SF3B1: variants seen among roughly 807,000 people sequenced by gnomAD.
SF3B1 encodes splicing factor 3b subunit 1, also known as pre-mRNA processing 10.
A neutral mutation model predicts 153.8 loss-of-function variants in SF3B1; 12 were observed. The observed-to-expected ratio is 0.08, with a 90% CI of 0.05 to 0.13. SF3B1 has a LOEUF of 0.13. Ranked by LOEUF, SF3B1 falls within the 10% of genes least tolerant of loss-of-function variation. SF3B1 has a pLI of 1.00. For missense variants in SF3B1, 513 were observed against 1,606.1 expected (o/e 0.32, Z 11.63); for synonymous variants, 498 against 525.2 (o/e 0.95, Z 0.71).
At chr2:197,414,850 A>G (rs1197796379) in intron 6 of SF3B1, among the ~76,000 whole-genome samples, 1 of 152,058 alleles carries the variant, frequency 6.6e-6, no homozygotes, top group Non-Finnish European at 1.5e-5. Context: ...CAAAAAAATA[A>G]AAAACTAGCC....
chr2:197,398,148 T>C (rs1308711766), intron 21 of SF3B1, 32 bp from the exon 22 acceptor site: 7 of 1,545,426 alleles, frequency 4.5e-6, no homozygotes, highest in Non-Finnish European at 6.2e-6. Context: ...TTAATTATTG[T>C]GACATTAAGA....
At chr2:197,394,587 C>T (rs1174997162) in intron 23 of SF3B1, among the ~76,000 whole-genome samples, 1 of 152,164 alleles carries the variant, frequency 6.6e-6, no homozygotes, top group Non-Finnish European at 1.5e-5. Flanking sequence ...CTGGCTAACA[C>T]AATGGGATTT....
intron 6 of SF3B1, among the ~76,000 whole-genome samples, chr2:197,414,625 G>A (rs936524039): frequency 5.3e-5 from 8 of 152,202 alleles, no homozygotes; most frequent in Non-Finnish European, 1.2e-4. Context: ...ACCTTGACAA[G>A]AGATTTTAGG....
chr2:197,435,030 G>A (rs1189241678), upstream of SF3B1: 5 of 1,614,130 alleles, frequency 3.1e-6, no homozygotes, highest in African/African-American at 2.7e-5. Flanking sequence ...GACGGAACTG[G>A]CGCTCCCAAG....
Position 197,402,866 on chromosome 2 carries a change from A to G in SF3B1, c.1807-40T>C. On this transcript the variant is annotated intron_variant, in intron 13 of 24. Transcript: ENST00000335508. This position sits in a 1 kb window ranked among gnomAD's most constrained non-coding sequence, Gnocchi z 4.6. ...AAGAAAGGACAGTCATGAGTTGGTA[A>G]TATTAATCTTCAACCATTTCTTTCC... is the stretch of plus-strand genomic sequence containing the variant. 6.2e-7 allele frequency: 1 copy of G among 1,611,784 alleles called. No homozygotes were observed. The highest frequency in any genetic ancestry group is 8.5e-7 in the Non-Finnish European group (1 of 1,178,590).
Position 197,405,360 on chromosome 2 carries a change from C to T in SF3B1, c.1352G>A (p.Arg451Gln), listed in dbSNP as rs777705664. The T allele has an allele frequency of 4.3e-6, 7 of 1,613,912 alleles. No individual in the cohort carries two copies. The highest frequency in any genetic ancestry group is 1.7e-5 in the Admixed American group (1 of 60,000). ...CTGGTCATTAACACTTTTCATAGTT[C>T]GATCTTCAGTTTGCATGTGGAAACC... is the stretch of plus-strand genomic sequence containing the variant. ...MTGFHMQTED[R>Q]TMKSVNDQPS... Residue 451 changes from arginine to glutamine, a missense_variant, in exon 10 of 25, where the codon CGA becomes CAA. Arg to Gln is a conservative substitution (Grantham distance 43, BLOSUM62 1). This residue lies in a region of SF3B1 where 17 missense variants were observed against 21.0 expected (regional missense o/e 0.81). Transcript: ENST00000335508.
chr2:197,425,427 T>C (rs1381233930), intron 1 of SF3B1, among the ~76,000 whole-genome samples: 4 of 152,018 alleles, frequency 2.6e-5, no homozygotes, highest in East Asian at 1.9e-4. Context: ...GATCACGCCA[T>C]TGCACTCCAG....
rs2084815773 is a variant in SF3B1 at position 197,392,138 on chromosome 2, C to G, written c.*165G>C. Reference sequence around the variant, plus strand: ...ACTACTGGCATTTACTGTTTAACATCAAAAACAAAGACAGGTTATTTAAAA... The same window carrying G: ...ACTACTGGCATTTACTGTTTAACATGAAAAACAAAGACAGGTTATTTAAAA... On this transcript the variant is annotated 3_prime_UTR_variant, in exon 25 of 25. Transcript: ENST00000335508. 2.2e-6 allele frequency: 1 copy of G among 451,744 alleles called. No homozygotes were observed. The allele number at this position is 451,744 out of a possible 1,614,324, so 28.0% of individuals were successfully genotyped here.
At chr2:197,409,582 T>G (rs1484175079) in intron 7 of SF3B1, among the ~76,000 whole-genome samples, 188 bp downstream of exon 7, 1 of 152,182 alleles carries the variant, frequency 6.6e-6, no homozygotes, top group Non-Finnish European at 1.5e-5. Context: ...CCTAAGGTTC[T>G]TCCTTAAATC....
intron 4 of SF3B1, 200 bp downstream of exon 4, chr2:197,420,228 C>T (rs535221371): frequency 6.5e-6 from 3 of 460,352 alleles, no homozygotes; most frequent in East Asian, 3.3e-5. Flanking sequence ...TCTTGTCCTT[C>T]TACCTGGAAA....
intron 20 of SF3B1, chr2:197,398,867 C>A: frequency 4.2e-6 from 2 of 481,628 alleles, no homozygotes; most frequent in African/African-American, 4.0e-5. Context: ...TGTGCACTGA[C>A]ATTTAAATAT....
chr2:197,434,642 A>G (rs1239155594), intron 1 of SF3B1, among the ~76,000 whole-genome samples: 1 of 152,174 alleles, frequency 6.6e-6, no homozygotes, highest in Non-Finnish European at 1.5e-5. Context: ...GGCGAGTGAG[A>G]CCTTCTCCCC....
At chr2:197,417,333 A>G (rs2085162755) in intron 5 of SF3B1, among the ~76,000 whole-genome samples, 2 of 152,212 alleles carry the variant, frequency 1.3e-5, no homozygotes, top group African/African-American at 4.8e-5. Flanking sequence ...AATTATGTAA[A>G]TATGCATAGT....
intron 1 of SF3B1, 72 bp from the exon 2 acceptor site, chr2:197,424,046 C>A: frequency 8.0e-7 from 1 of 1,251,758 alleles, no homozygotes; most frequent in Non-Finnish European, 1.1e-6. Context: ...CATTTCTTTA[C>A]TAGGTAATTA....
Position 197,398,132 on chromosome 2 carries a change from C to G in SF3B1, c.3135-16G>C, listed in dbSNP as rs201013005. 13 of 1,585,544 alleles carry G rather than the reference C, an allele frequency of 8.2e-6. No homozygotes were observed. In the African/African-American group the frequency reaches 1.6e-4, roughly 20 times the overall value. On this transcript the variant is annotated splice_polypyrimidine_tract_variant and intron_variant, in intron 21 of 24. Coordinates refer to ENST00000335508, the MANE Select transcript of SF3B1 (RefSeq NM_012433.4). ...TTCAGCTCCCCTAATTTAAAAAATACACATATTAATTATTGTGACATTAAG... is the reference window on the plus strand; with the variant it reads ...TTCAGCTCCCCTAATTTAAAAAATAGACATATTAATTATTGTGACATTAAG...
intron 5 of SF3B1, among the ~76,000 whole-genome samples, chr2:197,417,575 TAAAAAAAA>T (rs56204414): frequency 3.0e-5 from 3 of 99,828 alleles, no homozygotes; most frequent in African/African-American, 7.9e-5. Flanking sequence ...CCACCTCTAC[TAAAAAAAA>T]AAAAAAAAAA....
chr2:197,410,239 T>TA (rs1388748813), intron 6 of SF3B1, among the ~76,000 whole-genome samples: 3 of 152,232 alleles, frequency 2.0e-5, no homozygotes, highest in Middle Eastern at 3.4e-3. Context: ...AGTCCCAGCT[T>TA]AAAAAAACAA....
rs113443979 is a variant in SF3B1, at chr2:197,428,018, A to AAATTAATT, written c.29-4052_29-4045dup. Among the ~76,000 whole-genome samples, 643 of 151,466 alleles carry AAATTAATT rather than the reference A, an allele frequency of 4.2e-3. 3 individuals carry two copies. Among genetic ancestry groups the AAATTAATT allele is most frequent in the African/African-American group, 0.015 (615 of 41,058 alleles). On this transcript the variant is annotated intron_variant, in intron 1 of 24. Coordinates refer to ENST00000335508, the MANE Select transcript of SF3B1 (RefSeq NM_012433.4). Reference sequence around the variant, plus strand: ...AGGCGACAGAGCAAGACTCCGTCTCAAATTAATTAATTAATTAATTAATTA... The same window carrying AAATTAATT: ...AGGCGACAGAGCAAGACTCCGTCTCAAATTAATTAATTAATTAATTAATTAATTAATTA...
At chr2:197,398,402 A>G in intron 21 of SF3B1, 59 bp downstream of exon 21, 2 of 1,596,168 alleles carry the variant, frequency 1.3e-6, no homozygotes, top group Non-Finnish European at 8.6e-7. Context: ...AATTGAATAC[A>G]AAGTGGCCAA....
Sources: allele counts gnomAD v4.1 joint callset (sites outside exome capture counted in the v4.1 genomes callset), GRCh38; gene constraint gnomAD v4.1.1; regional missense constraint gnomAD v4.1.1; non-coding constraint Gnocchi (gnomAD v3.1); transcripts MANE v1.5; gene names NCBI Gene and HGNC (gene_info 2026-07-23, HGNC 2026-07-21).